Variants in KCNB2 observed in about 807,000 individuals in gnomAD.
The protein encoded by KCNB2 is delayed rectifier potassium channel protein.
A neutral mutation model predicts 61.5 loss-of-function variants in KCNB2; 15 were observed. The observed-to-expected ratio is 0.24, with a 90% CI of 0.16 to 0.38. KCNB2 has a LOEUF of 0.38. Ranked by LOEUF, KCNB2 falls within the 10% of genes least tolerant of loss-of-function variation. The pLI, the probability that KCNB2 is intolerant of heterozygous loss-of-function variation, is 1.00. For synonymous variants in KCNB2, 457 were observed against 446.0 expected (o/e 1.02, Z -0.31); for missense variants, 828 against 1,125.2 (o/e 0.74, Z 3.78).
chr8:72,589,298 C>T (rs1018360268), intron 2 of KCNB2, among the ~76,000 whole-genome samples: 1 of 151,462 alleles, frequency 6.6e-6, no homozygotes, highest in African/African-American at 2.4e-5. Context: ...GACTATGTGT[C>T]GTCTATTGTC....
intron 2 of KCNB2, among the ~76,000 whole-genome samples, chr8:72,571,846 G>A (rs1330336952): frequency 6.6e-6 from 1 of 152,160 alleles, no homozygotes; most frequent in Non-Finnish European, 1.5e-5. Context: ...GGCAAAAATT[G>A]GAATTTGACT....
chr8:72,883,648 C>G (rs1054843965), intron 2 of KCNB2, among the ~76,000 whole-genome samples: 1 of 152,168 alleles, frequency 6.6e-6, no homozygotes, highest in Non-Finnish European at 1.5e-5. Context: ...AAGCTCCCCC[C>G]AGTATCCCTC....
intron 2 of KCNB2, among the ~76,000 whole-genome samples, chr8:72,608,423 T>A (rs1805487098): frequency 6.6e-6 from 1 of 152,070 alleles, no homozygotes; most frequent in South Asian, 2.1e-4. Flanking sequence ...TAGCCCCTGT[T>A]TGGAAAGTGG....
intron 2 of KCNB2, among the ~76,000 whole-genome samples, chr8:72,910,271 G>A (rs1410917355): frequency 6.6e-6 from 1 of 152,218 alleles, no homozygotes; most frequent in African/African-American, 2.4e-5. Flanking sequence ...ATTGGTGGCA[G>A]TGGTGGTAGT....
At chr8:72,722,362 A>C (rs1185636650) in intron 2 of KCNB2, among the ~76,000 whole-genome samples, 2 of 152,210 alleles carry the variant, frequency 1.3e-5, no homozygotes, top group Non-Finnish European at 2.9e-5. Context: ...GCAAATCACC[A>C]TGATGCCCAA....
At chr8:72,782,739 G>A (rs1411487858) in intron 2 of KCNB2, among the ~76,000 whole-genome samples, 1 of 151,994 alleles carries the variant, frequency 6.6e-6, no homozygotes, top group Admixed American at 6.6e-5. Flanking sequence ...TGTCTCGCTG[G>A]CTGTGAGTGA....
chr8:72,643,008 C>T (rs1009144798), intron 2 of KCNB2, among the ~76,000 whole-genome samples: 9 of 152,016 alleles, frequency 5.9e-5, no homozygotes, highest in South Asian at 2.1e-4. Context: ...GTAAAGGAAA[C>T]GAAATTTAAA....
intron 2 of KCNB2, among the ~76,000 whole-genome samples, chr8:72,885,276 T>C (rs550731007): frequency 1.3e-5 from 2 of 152,276 alleles, no homozygotes; most frequent in Admixed American, 1.3e-4. Context: ...GAATAGTCTG[T>C]AACTTTATTG....
chr8:72,864,359 G>A (rs577499208), intron 2 of KCNB2, among the ~76,000 whole-genome samples: 2 of 152,208 alleles, frequency 1.3e-5, no homozygotes, highest in Middle Eastern at 3.4e-3. Flanking sequence ...ATGCAAAATT[G>A]TTTCATTCTA....
chr8:72,796,073 C>A (rs990059614), intron 2 of KCNB2, among the ~76,000 whole-genome samples: 2 of 152,142 alleles, frequency 1.3e-5, no homozygotes, highest in Non-Finnish European at 2.9e-5. Flanking sequence ...ATAAATAGAT[C>A]ATAATAGTTA....
chr8:72,931,582 T>C (rs1313343065), intron 2 of KCNB2, among the ~76,000 whole-genome samples: 4 of 152,236 alleles, frequency 2.6e-5, no homozygotes, highest in African/African-American at 4.8e-5. Context: ...AGTTCACTCA[T>C]GATTTGGCTC....
At chr8:72,795,508 A>G (rs774263745) in intron 2 of KCNB2, among the ~76,000 whole-genome samples, 26 of 152,230 alleles carry the variant, frequency 1.7e-4, no homozygotes, top group Non-Finnish European at 2.9e-4. Flanking sequence ...TTTAAAGTAA[A>G]ATACAATGCA....
At chr8:72,859,719 T>G (rs1301077265) in intron 2 of KCNB2, among the ~76,000 whole-genome samples, 1 of 135,436 alleles carries the variant, frequency 7.4e-6, no homozygotes, top group Non-Finnish European at 1.6e-5. Flanking sequence ...TTTTTTTTTT[T>G]TTTTTTTTTT....
At chr8:72,647,442 A>C (rs1806146324) in intron 2 of KCNB2, among the ~76,000 whole-genome samples, 1 of 152,196 alleles carries the variant, frequency 6.6e-6, no homozygotes, top group Non-Finnish European at 1.5e-5. Context: ...TTTTAAAATC[A>C]ATTCAATTTG....
chr8:72,663,846 A>G (rs1476596491), intron 2 of KCNB2, among the ~76,000 whole-genome samples: 3 of 152,222 alleles, frequency 2.0e-5, no homozygotes, highest in African/African-American at 7.2e-5. Context: ...TTATAAACAA[A>G]GACCTTAAAC....
chr8:72,917,763 G>A (rs1343713542), intron 2 of KCNB2, among the ~76,000 whole-genome samples: 1 of 152,184 alleles, frequency 6.6e-6, no homozygotes, highest in Non-Finnish European at 1.5e-5. Context: ...TAATTTAAAA[G>A]CCCCCACTAA....
intron 2 of KCNB2, among the ~76,000 whole-genome samples, chr8:72,827,004 C>A (rs745399160): frequency 3.3e-5 from 5 of 152,204 alleles, no homozygotes; most frequent in Non-Finnish European, 5.9e-5. Context: ...GTAAACATTT[C>A]TTTGCTATTA....
intron 2 of KCNB2, among the ~76,000 whole-genome samples, chr8:72,737,031 A>AT (rs200736806): frequency 0.02 from 2,818 of 143,464 alleles, 52 homozygotes; most frequent in African/African-American, 0.05. Context: ...TGTAGTTGCT[A>AT]TTTTTTTTTT....
intron 2 of KCNB2, among the ~76,000 whole-genome samples, chr8:72,657,929 G>A (rs1015057138): frequency 6.6e-6 from 1 of 152,124 alleles, no homozygotes; most frequent in African/African-American, 2.4e-5. Context: ...TGTTGTGTGT[G>A]TCCTGACTGC....
Sources: allele counts gnomAD v4.1 joint callset (sites outside exome capture counted in the v4.1 genomes callset), GRCh38; gene constraint gnomAD v4.1.1; transcripts MANE v1.5; gene names NCBI Gene and HGNC (gene_info 2026-07-23, HGNC 2026-07-21).